The following ATRNL1 variants were observed in gnomAD, a reference collection of about 807,000 sequenced individuals.
The protein encoded by ATRNL1 is attractin like 1, also known as attractin-like protein 1.
Under a neutral mutation model 182.7 loss-of-function variants are expected in ATRNL1, and 95 were observed. That is an observed-to-expected ratio of 0.52 (90% CI 0.44 to 0.62). The LOEUF (loss-of-function observed/expected upper bound fraction) is 0.62. ATRNL1 is among the 20% of genes least tolerant of loss of function. The pLI is 0.00. For missense variants in ATRNL1, 1,471 were observed against 1,679.5 expected, an observed-to-expected ratio of 0.88 and a Z score of 2.17; for synonymous variants, 576 against 568.3, an observed-to-expected ratio of 1.01 and a Z score of -0.19.
At chr10:115,180,367 A>G (rs1434547896) in intron 8 of ATRNL1, among the ~76,000 whole-genome samples, 3 of 151,894 alleles carry the variant, frequency 2.0e-5, no homozygotes, top group Admixed American at 1.3e-4. Context: ...GTTTATCACG[A>G]TTATTACCAA....
At chr10:115,860,061 A>G (rs538607142) in intron 28 of ATRNL1, among the ~76,000 whole-genome samples, 2 of 152,290 alleles carry the variant, frequency 1.3e-5, no homozygotes, top group East Asian at 1.9e-4. Context: ...CATGCAGGTA[A>G]AAGCACTGGA....
intron 1 of ATRNL1, among the ~76,000 whole-genome samples, chr10:115,118,679 G>A (rs1286577078): frequency 6.6e-6 from 1 of 152,080 alleles, no homozygotes; most frequent in African/African-American, 2.4e-5. Flanking sequence ...CTCTCCCCTT[G>A]AGGCTACTAA....
At chr10:115,236,365 G>A (rs1362612505) in intron 9 of ATRNL1, among the ~76,000 whole-genome samples, 1 of 152,120 alleles carries the variant, frequency 6.6e-6, no homozygotes, top group African/African-American at 2.4e-5. Context: ...ATGCCATACA[G>A]CATTACAGGG....
chr10:115,900,089 A>C (rs1555113320), intron 28 of ATRNL1, among the ~76,000 whole-genome samples: 1 of 152,162 alleles, frequency 6.6e-6, no homozygotes, highest in Non-Finnish European at 1.5e-5. Flanking sequence ...TAAAAAGTGG[A>C]GAGTCTACAC....
At chr10:115,907,710 C>A (rs1196272932) in intron 28 of ATRNL1, among the ~76,000 whole-genome samples, 1 of 151,208 alleles carries the variant, frequency 6.6e-6, no homozygotes, top group Non-Finnish European at 1.5e-5. Flanking sequence ...ATACTTATAG[C>A]AAATATTTTA....
intron 21 of ATRNL1, among the ~76,000 whole-genome samples, chr10:115,448,803 A>T (rs1819630): frequency 0.02 from 3,004 of 152,226 alleles, 90 homozygotes; most frequent in African/African-American, 0.066. Flanking sequence ...TGCAGTTGAA[A>T]GTAATGGCAA....
At chr10:115,744,633 A>G (rs1417044444) in intron 27 of ATRNL1, among the ~76,000 whole-genome samples, 4 of 151,988 alleles carry the variant, frequency 2.6e-5, no homozygotes, top group Non-Finnish European at 4.4e-5. Flanking sequence ...TAATATATAA[A>G]CCCTCTTTTT....
chr10:115,216,479 A>G (rs1322478013), intron 9 of ATRNL1, among the ~76,000 whole-genome samples: 1 of 151,884 alleles, frequency 6.6e-6, no homozygotes, highest in Non-Finnish European at 1.5e-5. Context: ...TTTAATGTGC[A>G]TTTTCCTGAT....
chr10:115,940,503 A>G (rs1555123962), intron 28 of ATRNL1, among the ~76,000 whole-genome samples: 1 of 152,184 alleles, frequency 6.6e-6, no homozygotes, highest in African/African-American at 2.4e-5. Context: ...TGGTCTGGGC[A>G]TTATCTACAT....
intron 26 of ATRNL1, among the ~76,000 whole-genome samples, chr10:115,705,502 A>G (rs1946869008): frequency 6.6e-6 from 1 of 151,942 alleles, no homozygotes. Context: ...GTTCTCTACT[A>G]CAGGATAGCT....
intron 26 of ATRNL1, among the ~76,000 whole-genome samples, chr10:115,694,065 T>TA (rs1284828070): frequency 6.6e-6 from 1 of 151,994 alleles, no homozygotes; most frequent in Non-Finnish European, 1.5e-5. Flanking sequence ...GTATAATCCC[T>TA]AAATCATAGT....
At chr10:115,795,553 GT>G (rs1555082741) in intron 27 of ATRNL1, among the ~76,000 whole-genome samples, 1 of 152,164 alleles carries the variant, frequency 6.6e-6, no homozygotes, top group East Asian at 1.9e-4. Context: ...AAGAAAAGAA[GT>G]TTAATTGGCT....
intron 5 of ATRNL1, among the ~76,000 whole-genome samples, chr10:115,141,486 ACT>A (rs150142540): frequency 0.011 from 1,725 of 152,110 alleles, 29 homozygotes; most frequent in African/African-American, 0.039. Flanking sequence ...ACTCACTTAA[ACT>A]CTGGCATTCA....
At chr10:115,174,071 G>A (rs116005672) in intron 8 of ATRNL1, among the ~76,000 whole-genome samples, 1,780 of 151,690 alleles carry the variant, frequency 0.012, 33 homozygotes, top group African/African-American at 0.04. Flanking sequence ...TTTGAGATCT[G>A]CTTCCATTAG....
intron 24 of ATRNL1, among the ~76,000 whole-genome samples, chr10:115,506,278 C>T (rs906525562): frequency 3.3e-5 from 5 of 151,746 alleles, no homozygotes; most frequent in Admixed American, 2.0e-4. Flanking sequence ...GTTGGTTAAA[C>T]CCAATGGGAA....
chr10:115,477,325 T>A (rs184322321), intron 24 of ATRNL1, among the ~76,000 whole-genome samples: 1 of 151,740 alleles, frequency 6.6e-6, no homozygotes, highest in East Asian at 1.9e-4. Flanking sequence ...AAGGGAAGAA[T>A]AAATCATCAG....
chr10:115,264,336 CTTAAGA>C (rs1310258196), intron 10 of ATRNL1, among the ~76,000 whole-genome samples: 2 of 151,664 alleles, frequency 1.3e-5, no homozygotes, highest in African/African-American at 4.8e-5. Flanking sequence ...ACTAACTGTA[CTTAAGA>C]TTATTTTCTT....
At chr10:115,778,144 C>T (rs566478974) in intron 27 of ATRNL1, among the ~76,000 whole-genome samples, 16 of 152,238 alleles carry the variant, frequency 1.1e-4, no homozygotes, top group African/African-American at 3.4e-4. Flanking sequence ...AACCTCTCTT[C>T]CTTTCAAGAG....
chr10:115,382,831 A>G (rs1310781334), intron 19 of ATRNL1, among the ~76,000 whole-genome samples: 2 of 151,830 alleles, frequency 1.3e-5, no homozygotes, highest in African/African-American at 2.4e-5. Context: ...ACTGTTAAAC[A>G]TGTTAGATGT....
Sources: allele counts gnomAD v4.1 joint callset (sites outside exome capture counted in the v4.1 genomes callset), GRCh38; gene constraint gnomAD v4.1.1; transcripts MANE v1.5; gene names NCBI Gene and HGNC (gene_info 2026-07-23, HGNC 2026-07-21).